Variants in NXPE4 observed in about 807,000 individuals in gnomAD.
NXPE4 encodes NXPE family member 4.
In NXPE4, 42 loss-of-function variants were observed where a neutral mutation model predicts 33.3. That is an observed-to-expected ratio of 1.26 (90% CI 0.98 to 1.63). NXPE4 has a LOEUF of 1.63. Among genes scored for constraint, NXPE4 ranks in the 40% most tolerant of loss-of-function variants. NXPE4 has a pLI of 0.00. For synonymous variants in NXPE4, 253 were observed against 234.9 expected (o/e 1.08, Z -0.71); for missense variants, 709 against 647.6 (o/e 1.09, Z -1.03).
Position 114,582,483 on chromosome 11 carries a change from G to C in NXPE4, c.635C>G (p.Thr212Ser). The change falls in exon 3 of 6, where the codon ACT becomes AGT. Residue 212 changes from threonine (T) to serine (S), a missense_variant. Thr to Ser is a moderately conservative substitution (Grantham distance 58). Coordinates refer to ENST00000375478, the MANE Select transcript of NXPE4 (RefSeq NM_001077639.2). ...VIFTGQFVNG[T>S]SQVHSECGLI... ...GCCACATTCAGAGTGGACTTGGGAAGTGCCATTGACAAACTGGCCAGTGAA... is the reference window on the plus strand; with the variant it reads ...GCCACATTCAGAGTGGACTTGGGAACTGCCATTGACAAACTGGCCAGTGAA... The C allele has an allele frequency of 6.2e-7, 1 of 1,614,130 alleles. No homozygotes were observed. Among genetic ancestry groups the C allele is most frequent in the Non-Finnish European group, 8.5e-7 (1 of 1,180,002 alleles).
intron 2 of NXPE4, among the ~76,000 whole-genome samples, chr11:114,585,846 G>A (rs376688457): frequency 2.8e-4 from 43 of 152,066 alleles, no homozygotes; most frequent in Non-Finnish European, 4.4e-4. Context: ...GAATGCTGGC[G>A]GCTGTGTCAA....
At chr11:114,575,812 A>G (rs1948983162) in intron 5 of NXPE4, among the ~76,000 whole-genome samples, 1 of 152,118 alleles carries the variant, frequency 6.6e-6, no homozygotes, top group Non-Finnish European at 1.5e-5. Flanking sequence ...TTTTCTTCAA[A>G]ATACCACCAT....
At chr11:114,674,496 T>G in the NXPE4 span, among the ~76,000 whole-genome samples, 6 of 151,548 alleles carry the variant, frequency 4.0e-5, no homozygotes, top group Non-Finnish European at 3.0e-5. Context: ...GTATGTTTTA[T>G]GCAAACCTCA....
At chr11:114,636,514 G>A in the NXPE4 span, among the ~76,000 whole-genome samples, 3 of 151,656 alleles carry the variant, frequency 2.0e-5, no homozygotes, top group African/African-American at 7.3e-5. Flanking sequence ...GCTTTTGAAT[G>A]TGTTTGCTCT....
chr11:114,670,427 G>C, the NXPE4 span, among the ~76,000 whole-genome samples: 4 of 152,050 alleles, frequency 2.6e-5, no homozygotes, highest in Non-Finnish European at 5.9e-5. Context: ...AAGCGCAGTG[G>C]CTCACCTCTG....
Position 114,582,526 on chromosome 11 carries a change from C to T in NXPE4, c.592G>A (p.Gly198Ser). 6.2e-7 allele frequency: 1 copy of T among 1,614,156 alleles called. No individual in the cohort carries two copies. Among genetic ancestry groups the T allele is most frequent in the South Asian group, 1.1e-5 (1 of 91,082 alleles). The part of the protein sequence containing the change: ...VSALWSARNQ[G>S]YDRVIFTGQF... ...CCAGTGAAGATCACCCTGTCATAGC[C>T]TTGGTTCCTTGCACTCCAGAGAGCT... The change falls in exon 3 of 6, where the codon GGC becomes AGC. Residue 198 changes from glycine to serine, a missense_variant. Physicochemically the swap from Gly to Ser is moderately conservative, Grantham distance 56. Coordinates refer to ENST00000375478, the MANE Select transcript of NXPE4 (RefSeq NM_001077639.2).
intron 2 of NXPE4, among the ~76,000 whole-genome samples, chr11:114,589,440 C>G (rs1949389731): frequency 6.6e-6 from 1 of 152,104 alleles, no homozygotes; most frequent in Non-Finnish European, 1.5e-5. Flanking sequence ...TGTGGGGTGT[C>G]TCATAAACAC....
chr11:114,637,946 A>T, the NXPE4 span, among the ~76,000 whole-genome samples: 2 of 151,354 alleles, frequency 1.3e-5, no homozygotes, highest in Non-Finnish European at 3.0e-5. Context: ...TGTGTCTTGG[A>T]GTTGCTCTTC....
the NXPE4 span, among the ~76,000 whole-genome samples, chr11:114,650,831 C>A: frequency 6.8e-6 from 1 of 147,524 alleles, no homozygotes; most frequent in East Asian, 1.9e-4. Context: ...AAAGGCTGGA[C>A]CCGGAAAACA....
the NXPE4 span, among the ~76,000 whole-genome samples, chr11:114,603,812 C>T: frequency 6.6e-6 from 1 of 151,738 alleles, no homozygotes; most frequent in Non-Finnish European, 1.5e-5. Flanking sequence ...GCCTCGTCTC[C>T]TAGGTAACTC....
chr11:114,602,055 TATATATTATA>T, the NXPE4 span, among the ~76,000 whole-genome samples: 1 of 92,280 alleles, frequency 1.1e-5, no homozygotes, highest in Non-Finnish European at 1.9e-5. Flanking sequence ...TATTATATTA[TATATATTATA>T]ATATATATTC....
chr11:114,579,188 G>A (rs1248318511), intron 5 of NXPE4, among the ~76,000 whole-genome samples: 1 of 152,166 alleles, frequency 6.6e-6, no homozygotes, highest in African/African-American at 2.4e-5. Flanking sequence ...GAGGGAGCAA[G>A]AGAGATGCCA....
chr11:114,583,044 A>G (rs1183792951), intron 2 of NXPE4, 23 bp from the exon 3 acceptor site: 1 of 1,584,254 alleles, frequency 6.3e-7, no homozygotes, highest in Non-Finnish European at 8.6e-7. Flanking sequence ...CAAATGTGAC[A>G]TGAGATGGAT....
intron 3 of NXPE4, 32 bp from the exon 4 acceptor site, chr11:114,581,818 A>G: frequency 2.0e-6 from 3 of 1,490,182 alleles, no homozygotes; most frequent in Non-Finnish European, 2.8e-6. Context: ...ATTAATCTGT[A>G]GGTGGCCTCA....
chr11:114,670,382 T>C, the NXPE4 span, among the ~76,000 whole-genome samples: 1 of 151,908 alleles, frequency 6.6e-6, no homozygotes, highest in Admixed American at 6.6e-5. Flanking sequence ...ACTACTAAAA[T>C]AGCCCAGCCC....
At chr11:114,668,981 C>T in the NXPE4 span, among the ~76,000 whole-genome samples, 1 of 152,016 alleles carries the variant, frequency 6.6e-6, no homozygotes, top group Non-Finnish European at 1.5e-5. Flanking sequence ...GCTCCCATTC[C>T]ACTCCCAGCT....
intron 5 of NXPE4, among the ~76,000 whole-genome samples, chr11:114,577,008 G>GTT (rs1949010893): frequency 9.6e-5 from 1 of 10,442 alleles, no homozygotes; most frequent in Non-Finnish European, 1.6e-4. Flanking sequence ...TATATATAAA[G>GTT]TTATATATAT....
At chr11:114,663,631 A>ATCATCTG in the NXPE4 span, among the ~76,000 whole-genome samples, 1 of 89,442 alleles carries the variant, frequency 1.1e-5, no homozygotes, top group Non-Finnish European at 2.4e-5. Flanking sequence ...CTATCTATCT[A>ATCATCTG]TCTATCATCT....
At chr11:114,644,217 T>C in the NXPE4 span, among the ~76,000 whole-genome samples, 1 of 152,154 alleles carries the variant, frequency 6.6e-6, no homozygotes, top group Non-Finnish European at 1.5e-5. Context: ...ACAATATGAC[T>C]TCCTCTCTTC....
Sources: gnomAD v4.1 joint callset for allele counts (sites outside exome capture counted in the v4.1 genomes callset) on GRCh38, gnomAD v4.1.1 for gene constraint, MANE v1.5 for transcripts, NCBI Gene and HGNC (gene_info 2026-07-23, HGNC 2026-07-21) for gene names.